KAT14: variants seen among roughly 807,000 people sequenced by gnomAD.
The protein encoded by KAT14 is lysine acetyltransferase 14, also known as cysteine-rich protein 2-binding protein.
A neutral mutation model predicts 78.4 loss-of-function variants in KAT14; 66 were observed. The observed-to-expected ratio is 0.84, with a 90% CI of 0.69 to 1.03. The LOEUF is 1.03. Ranked by LOEUF, KAT14 falls within the 50% of genes least tolerant of loss-of-function variation. The pLI, the probability that KAT14 is intolerant of heterozygous loss-of-function variation, is 0.00. For missense variants in KAT14, 870 were observed against 972.5 expected, an observed-to-expected ratio of 0.89 and a Z score of 1.40; for synonymous variants, 344 against 359.4, an observed-to-expected ratio of 0.96 and a Z score of 0.48.
chr20:18,186,446 G>A (rs912069390), intron 10 of KAT14, among the ~76,000 whole-genome samples: 3 of 152,238 alleles, frequency 2.0e-5, no homozygotes, highest in Non-Finnish European at 2.9e-5. Context: ...ACACATGGAA[G>A]TTAAGCAGAG....
intron 7 of KAT14, among the ~76,000 whole-genome samples, chr20:18,177,526 A>G (rs1208240613): frequency 1.3e-5 from 2 of 152,208 alleles, no homozygotes; most frequent in Admixed American, 6.5e-5. Context: ...TAGAAATTAC[A>G]TACCACACTT....
chr20:18,179,963 G>A (rs1427431704), intron 7 of KAT14, among the ~76,000 whole-genome samples: 3 of 151,966 alleles, frequency 2.0e-5, no homozygotes, highest in East Asian at 3.9e-4. Flanking sequence ...CTACCTCCCA[G>A]GTTCAAGTGA....
Position 18,167,333 on chromosome 20 carries a change from T to C in KAT14, c.1668+4388T>C, listed in dbSNP as rs147476624. 3.9e-3 allele frequency among the ~76,000 whole-genome samples: 594 copies of C among 152,360 alleles called. 5 individuals carry two copies. The highest frequency in any genetic ancestry group is 0.013 in the African/African-American group (555 of 41,588). ...ATCAGTTACTATTTGTCCATCTGTTTACCAGTTACTGTTCTAATTAAGTCA... is the reference window on the plus strand; with the variant it reads ...ATCAGTTACTATTTGTCCATCTGTTCACCAGTTACTGTTCTAATTAAGTCA... On this transcript the variant is annotated intron_variant, in intron 7 of 10. Coordinates refer to ENST00000688188, the MANE Select transcript of KAT14 (RefSeq NM_001392073.1).
At chr20:18,141,035 T>TTTTA (rs1487537960) in intron 1 of KAT14, among the ~76,000 whole-genome samples, 6 of 19,758 alleles carry the variant, frequency 3.0e-4, no homozygotes, top group Admixed American at 6.8e-4. Flanking sequence ...TTTTTTTTTT[T>TTTTA]TTTTTTTTTT....
At position 18,161,910 on chromosome 20, in the gene KAT14, TAAAAGA is replaced by T. The variant is rs2038440068; in HGVS notation, c.771_776del (p.Glu259_Lys260del). On this transcript the variant is annotated inframe_deletion, in exon 6 of 11. Transcript: ENST00000688188. ...AATCCTGTGGAATCTGCCATGGAAT[TAAAAGA>T]GAAAAGGTCTCGAACTCAGGAAGCA... 3 of 1,614,058 alleles carry T rather than the reference TAAAAGA, an allele frequency of 1.9e-6. No individual in the cohort carries two copies. Among genetic ancestry groups the T allele is most frequent in the African/African-American group, 1.3e-5 (1 of 74,926 alleles).
intron 9 of KAT14, among the ~76,000 whole-genome samples, chr20:18,183,954 G>A (rs112331450): frequency 6.6e-6 from 1 of 152,210 alleles, no homozygotes; most frequent in African/African-American, 2.4e-5. Context: ...AGATAGAGCT[G>A]TGTCGTCTTT....
intron 3 of KAT14, among the ~76,000 whole-genome samples, chr20:18,145,574 A>G (rs2037795913): frequency 6.6e-6 from 1 of 152,216 alleles, no homozygotes; most frequent in African/African-American, 2.4e-5. Flanking sequence ...TGAGGTCAGG[A>G]CTTCGAGACC....
At chr20:18,144,732 A>G (rs1050275263) in intron 2 of KAT14, among the ~76,000 whole-genome samples, 14 of 152,228 alleles carry the variant, frequency 9.2e-5, no homozygotes, top group Admixed American at 5.2e-4. Context: ...TAGAAAACCA[A>G]GAACAACTTG....
In KAT14 at chr20:18,157,008, G is replaced by C. The variant is rs113755895; in HGVS notation, c.501-2076G>C. 3.3e-3 allele frequency among the ~76,000 whole-genome samples: 509 copies of C among 152,234 alleles called. 4 individuals are homozygous for C. Among genetic ancestry groups the C allele is most frequent in the African/African-American group, 0.012 (491 of 41,518 alleles). On this transcript the variant is annotated intron_variant, in intron 4 of 10. Coordinates refer to ENST00000688188, the MANE Select transcript of KAT14 (RefSeq NM_001392073.1). Reference sequence around the variant, plus strand: ...AGTTAGCCTTGTGGGGCATATTCTTGTATATATATCCTTTGTGTTTTTGTG... The same window carrying C: ...AGTTAGCCTTGTGGGGCATATTCTTCTATATATATCCTTTGTGTTTTTGTG...
intron 4 of KAT14, 114 bp from the exon 5 acceptor site, chr20:18,158,970 A>T: frequency 7.8e-7 from 1 of 1,289,608 alleles, no homozygotes; most frequent in Non-Finnish European, 1.0e-6. Flanking sequence ...CTGCTCCTTC[A>T]GTAGCTGGAG....
At chr20:18,163,831 A>T (rs559724002) in intron 7 of KAT14, among the ~76,000 whole-genome samples, 1 of 152,098 alleles carries the variant, frequency 6.6e-6, no homozygotes, top group African/African-American at 2.4e-5. Context: ...AAAAGTCTTG[A>T]TTTCCTATCT....
At chr20:18,172,115 T>A (rs2038864873) in intron 7 of KAT14, among the ~76,000 whole-genome samples, 1 of 152,104 alleles carries the variant, frequency 6.6e-6, no homozygotes, top group Non-Finnish European at 1.5e-5. Flanking sequence ...TTTTTTTTTT[T>A]ATTTGAGACA....
At chr20:18,138,781 C>T (rs1171562006) in intron 1 of KAT14, among the ~76,000 whole-genome samples, 2 of 151,942 alleles carry the variant, frequency 1.3e-5, no homozygotes, top group Non-Finnish European at 2.9e-5. Flanking sequence ...TTCATATTTT[C>T]TTTCTTATTC....
chr20:18,176,690 C>T (rs1048285717), intron 7 of KAT14, among the ~76,000 whole-genome samples: 27 of 152,108 alleles, frequency 1.8e-4, no homozygotes, highest in Admixed American at 3.9e-4. Context: ...GCAGAGGGAA[C>T]GGGTTGGTGG....
intron 7 of KAT14, among the ~76,000 whole-genome samples, chr20:18,164,983 T>G (rs1056335085): frequency 1.3e-5 from 2 of 152,094 alleles, no homozygotes; most frequent in African/African-American, 2.4e-5. Context: ...CTATACTTAA[T>G]TTTTTAAATT....
At position 18,177,026 on chromosome 20, in the gene KAT14, T is replaced by C. The variant is rs567192296; in HGVS notation, c.1669-4684T>C. On this transcript the variant is annotated intron_variant, in intron 7 of 10. Coordinates refer to ENST00000688188, the MANE Select transcript of KAT14 (RefSeq NM_001392073.1). ...TTACCTTGAGGCATTAACCAGATAATGAGAGTATTCTGTGCAGTAAGTAGT... is the reference window on the plus strand; with the variant it reads ...TTACCTTGAGGCATTAACCAGATAACGAGAGTATTCTGTGCAGTAAGTAGT... Among the ~76,000 whole-genome samples, 10 of 152,310 alleles carry C rather than the reference T, an allele frequency of 6.6e-5. No homozygotes were observed. In the South Asian group the frequency reaches 2.1e-3, roughly 32 times the overall value.
Position 18,142,881 on chromosome 20 carries a change from C to G in KAT14, c.221C>G (p.Ser74Cys). 6.2e-7 allele frequency: 1 copy of G among 1,614,168 alleles called. No individual in the cohort carries two copies. Among genetic ancestry groups the G allele is most frequent in the Non-Finnish European group, 8.5e-7 (1 of 1,180,024 alleles). ...GTGTCTTGGATGGAGGAGCAGCTGT[C>G]CTACTTCTGTGACAAGTGCCAAAAA... Reference protein sequence around the residue: ...GDVSWMEEQLSYFCDKCQKWI... With the variant: ...GDVSWMEEQLCYFCDKCQKWI... Residue 74 changes from serine to cysteine, a missense_variant, in exon 2 of 11, where the codon TCC becomes TGC. Coordinates refer to ENST00000688188, the MANE Select transcript of KAT14 (RefSeq NM_001392073.1).
chr20:18,166,915 T>C (rs1481315759), intron 7 of KAT14, among the ~76,000 whole-genome samples: 1 of 152,228 alleles, frequency 6.6e-6, no homozygotes, highest in African/African-American at 2.4e-5. Flanking sequence ...CTGCACTTCC[T>C]TTAGGTTTTT....
At chr20:18,138,091 C>T (rs757406293) in intron 1 of KAT14, 40 bp downstream of exon 1, 3 of 1,436,270 alleles carry the variant, frequency 2.1e-6, no homozygotes, top group South Asian at 1.4e-5. Flanking sequence ...CCCGCGCGCG[C>T]GGCGTCGACC....
Sources: allele counts gnomAD v4.1 joint callset (sites outside exome capture counted in the v4.1 genomes callset), GRCh38; gene constraint gnomAD v4.1.1; transcripts MANE v1.5; gene names NCBI Gene and HGNC (gene_info 2026-07-23, HGNC 2026-07-21).